Variants in CCPG1 observed in about 807,000 individuals in gnomAD.
The protein encoded by CCPG1 is cell cycle progression 1.
In CCPG1, 46 loss-of-function variants were observed where a neutral mutation model predicts 81.3. That is an observed-to-expected ratio of 0.57 (90% CI 0.45 to 0.72). CCPG1 has a LOEUF of 0.72. Among genes scored for constraint, CCPG1 ranks in the 30% least tolerant of loss-of-function variants. The pLI, the probability that CCPG1 is intolerant of heterozygous loss-of-function variation, is 0.00. For synonymous variants in CCPG1, 330 were observed against 305.2 expected (o/e 1.08, Z -0.85); for missense variants, 902 against 937.6 (o/e 0.96, Z 0.50).
intron 1 of CCPG1, among the ~76,000 whole-genome samples, chr15:55,394,517 T>C (rs1382164330): frequency 6.6e-6 from 1 of 151,914 alleles, no homozygotes; most frequent in Admixed American, 6.6e-5. Context: ...TTCTAACAGA[T>C]TACAAAAAAA....
At chr15:55,356,580 G>GT (rs975116445) in intron 8 of CCPG1, 171 bp from the exon 9 acceptor site, 5 of 1,238,696 alleles carry the variant, frequency 4.0e-6, no homozygotes, top group East Asian at 3.1e-5. Context: ...GTCTGTATTA[G>GT]TTTTTTTGTC....
chr15:55,360,456 G>A lies in CCPG1; in HGVS notation c.1317C>T (p.Thr439=). The stretch of plus-strand genomic sequence containing the variant: ...ACAAATCAGAACGCTGCTGTTCGAA[G>A]GTTAGCTTCCGTTCCAGCTCAGTGA... ...ERLTELERKL[T]FEQQRSDLWE... The change falls in exon 8 of 9, where the codon ACC becomes ACT. Residue 439 remains threonine, a synonymous_variant. Coordinates refer to ENST00000442196, the MANE Select transcript of CCPG1 (RefSeq NM_001204450.2). The A allele has an allele frequency of 6.2e-7, 1 of 1,614,028 alleles. No homozygotes were observed.
intron 3 of CCPG1, among the ~76,000 whole-genome samples, chr15:55,380,325 C>T (rs1299548705): frequency 2.0e-5 from 3 of 150,432 alleles, no homozygotes; most frequent in Admixed American, 1.3e-4. Flanking sequence ...AGACGGAGTC[C>T]CCCTCTGTCG....
chr15:55,395,583 G>C (rs968609898), intron 1 of CCPG1, among the ~76,000 whole-genome samples: 3 of 151,934 alleles, frequency 2.0e-5, no homozygotes, highest in Non-Finnish European at 2.9e-5. Context: ...TACATATTCT[G>C]ATCAGTTGCC....
intron 1 of CCPG1, among the ~76,000 whole-genome samples, chr15:55,406,216 CTT>C (rs35010457): frequency 5.5e-4 from 76 of 136,970 alleles, no homozygotes; most frequent in African/African-American, 7.0e-4. Flanking sequence ...GGAATTGCTG[CTT>C]TTTTTTTTTT....
chr15:55,384,985 A>G (rs2056771165), intron 3 of CCPG1, among the ~76,000 whole-genome samples: 1 of 152,230 alleles, frequency 6.6e-6, no homozygotes, highest in Admixed American at 6.5e-5. Flanking sequence ...AATGACAAGG[A>G]AATAGAAACT....
intron 8 of CCPG1, chr15:55,359,101 A>T: frequency 1.0e-6 from 1 of 984,200 alleles, no homozygotes; most frequent in Non-Finnish European, 1.2e-6. Flanking sequence ...AATAGGTGGG[A>T]CATTAGAATT....
At chr15:55,382,485 T>C (rs897038457) in intron 3 of CCPG1, among the ~76,000 whole-genome samples, 3 of 152,102 alleles carry the variant, frequency 2.0e-5, no homozygotes, top group South Asian at 2.1e-4. Context: ...ATTACAACAA[T>C]TGGATCACAT....
chr15:55,390,826 A>C (rs550068341), intron 1 of CCPG1, among the ~76,000 whole-genome samples: 24 of 152,320 alleles, frequency 1.6e-4, no homozygotes, highest in Non-Finnish European at 2.9e-4. Flanking sequence ...ATTATTCAAA[A>C]CCTGAAATAA....
chr15:55,400,703 T>C (rs1398943623), intron 1 of CCPG1, among the ~76,000 whole-genome samples: 2 of 152,228 alleles, frequency 1.3e-5, no homozygotes, highest in African/African-American at 2.4e-5. Context: ...CCATCTTTAA[T>C]TTCCGCTCAT....
rs955189754 is a variant in CCPG1, at chr15:55,389,501, T to C, written c.-9-68A>G. 1.8e-5 allele frequency: 19 copies of C among 1,073,252 alleles called. 1 individual carries two copies. Among genetic ancestry groups the C allele is most frequent in the Admixed American group, 3.6e-5 (2 of 55,122 alleles). The allele number at this position is 1,073,252 out of a possible 1,614,324, so 66.5% of individuals were successfully genotyped here. ...TTAATTCTATAGGAAGCACTATATG[T>C]GACACTAAGTTTGAAAAGTGGTTTA... On this transcript the variant is annotated intron_variant, in intron 1 of 8. Transcript: ENST00000442196.
chr15:55,383,237 T>C lies in CCPG1; in HGVS notation c.175+2363A>G, dbSNP rs745650089. On this transcript the variant is annotated intron_variant, in intron 3 of 8. Transcript: ENST00000442196. ...TGATTGACCAGGTATTGCTATACAATGTCTAGTATTTTGAAAGGAATCTTT... is the reference window on the plus strand; with the variant it reads ...TGATTGACCAGGTATTGCTATACAACGTCTAGTATTTTGAAAGGAATCTTT... Among the ~76,000 whole-genome samples the C allele has an allele frequency of 3.9e-4, 59 of 152,314 alleles. 1 individual carries two copies. Among genetic ancestry groups the C allele is most frequent in the Admixed American group, 5.2e-4 (8 of 15,294 alleles).
Position 55,360,380 on chromosome 15 carries a change from C to A in CCPG1, c.1393G>T (p.Asp465Tyr). 1 of 1,613,744 alleles carries A rather than the reference C, an allele frequency of 6.2e-7. No individual in the cohort carries two copies. Among genetic ancestry groups the A allele is most frequent in the Non-Finnish European group, 8.5e-7 (1 of 1,180,010 alleles). ...AKDQNGKQGT[D>Y]GKKKGGRGSH... ...CCTCTGCCCCCTTTCTTTTTTCCAT[C>A]TGTTCCTTGTTTTCCATTTTGATCT... Residue 465 changes from aspartate (D) to tyrosine (Y), a missense_variant, in exon 8 of 9, where the codon GAT becomes TAT. Transcript: ENST00000442196.
At chr15:55,393,590 G>C (rs991040635) in intron 1 of CCPG1, among the ~76,000 whole-genome samples, 1 of 152,106 alleles carries the variant, frequency 6.6e-6, no homozygotes, top group Non-Finnish European at 1.5e-5. Flanking sequence ...AGCGGGAAGG[G>C]TTTTGAAGAG....
intron 1 of CCPG1, among the ~76,000 whole-genome samples, chr15:55,398,066 CAT>C (rs1177848413): frequency 1.3e-5 from 2 of 152,094 alleles, no homozygotes; most frequent in Non-Finnish European, 2.9e-5. Context: ...CAAGAGGAAA[CAT>C]AAAGTAGGCG....
Position 55,397,256 on chromosome 15 carries a change from A to C in CCPG1, c.-9-7823T>G, listed in dbSNP as rs2141336699. Among the ~76,000 whole-genome samples, 3 of 152,158 alleles carry C rather than the reference A, an allele frequency of 2.0e-5. No individual in the cohort carries two copies. In the South Asian group the frequency reaches 6.2e-4, roughly 32 times the overall value. On this transcript the variant is annotated intron_variant, in intron 1 of 8. Transcript: ENST00000442196. ...AAAAAAAACCCACAAGATAATAAACAGAGTGGTGGCAAGGGGACAGACTGA... is the reference window on the plus strand; with the variant it reads ...AAAAAAAACCCACAAGATAATAAACCGAGTGGTGGCAAGGGGACAGACTGA...
chr15:55,384,302 A>G (rs2056758684), intron 3 of CCPG1, among the ~76,000 whole-genome samples: 1 of 152,182 alleles, frequency 6.6e-6, no homozygotes, highest in African/African-American at 2.4e-5. Context: ...TACAATAGTA[A>G]AATCAAAGAT....
chr15:55,394,084 G>A (rs1370672770), intron 1 of CCPG1, among the ~76,000 whole-genome samples: 2 of 152,118 alleles, frequency 1.3e-5, no homozygotes, highest in Admixed American at 6.6e-5. Context: ...CAAACTCCCA[G>A]GTTCAAGTAG....
Position 55,385,615 on chromosome 15 carries a change from G to C in CCPG1, c.160C>G (p.Gln54Glu). 6.3e-7 allele frequency: 1 copy of C among 1,588,316 alleles called. No individual in the cohort carries two copies. The highest frequency in any genetic ancestry group is 1.1e-5 in the South Asian group (1 of 88,842). ...AACAACTTACCTCCTTGCTCTATCTGCAATGCTTGAAGCTCCTCTTGCTCT... is the reference window on the plus strand; with the variant it reads ...AACAACTTACCTCCTTGCTCTATCTCCAATGCTTGAAGCTCCTCTTGCTCT... ...SLEQEELQALQIEQGESSQNG... is the reference protein window; with the variant it reads ...SLEQEELQALEIEQGESSQNG... Residue 54 changes from glutamine to glutamate, a missense_variant, in exon 3 of 9, where the codon CAG (glutamine) becomes GAG (glutamate). This residue lies in a region of CCPG1 where 746 missense variants were observed against 728.6 expected (regional missense o/e 1.02). Coordinates refer to ENST00000442196, the MANE Select transcript of CCPG1 (RefSeq NM_001204450.2).
Sources: allele counts gnomAD v4.1 joint callset (sites outside exome capture counted in the v4.1 genomes callset), GRCh38; gene constraint gnomAD v4.1.1; regional missense constraint gnomAD v4.1.1; transcripts MANE v1.5; gene names NCBI Gene and HGNC (gene_info 2026-07-23, HGNC 2026-07-21).